PPDPFL: variants seen among roughly 807,000 people sequenced by gnomAD.
PPDPFL encodes pancreatic progenitor cell differentiation and proliferation factor like, also known as pancreatic progenitor cell differentiation and proliferation factor-like protein.
PPDPFL carries 12 observed loss-of-function variants against 12.6 expected under a neutral mutation model. The ratio of observed to expected loss-of-function variants is 0.95; its 90% CI spans 0.61 to 1.54. PPDPFL has a LOEUF of 1.54. PPDPFL is among the 40% of genes most tolerant of loss of function. The pLI is 0.00. For missense variants in PPDPFL, 114 were observed against 96.0 expected (o/e 1.19, Z -0.78); for synonymous variants, 24 against 32.7 (o/e 0.73, Z 0.91).
chr8:49,070,609 TA>T (rs1808363328), upstream of PPDPFL, among the ~76,000 whole-genome samples: 1 of 152,092 alleles, frequency 6.6e-6, no homozygotes, highest in African/African-American at 2.4e-5. Flanking sequence ...TTGGCTTTAG[TA>T]GACAAAGGTG....
intron 1 of PPDPFL, among the ~76,000 whole-genome samples, chr8:49,060,873 T>C (rs138349312): frequency 1.3e-5 from 2 of 152,138 alleles, no homozygotes; most frequent in African/African-American, 4.8e-5. Context: ...TTACTTATAA[T>C]TGGTAAATTG....
rs1040887813 is a variant in PPDPFL, at chr8:49,075,317, C to G, written c.*144C>G. 2.3e-5 allele frequency: 35 copies of G among 1,525,938 alleles called. No individual in the cohort carries two copies. In the African/African-American group the frequency reaches 3.8e-4, roughly 17 times the overall value. 94.5% of individuals were successfully genotyped at this position (1,525,938 alleles called of 1,614,324 possible). A position where few individuals can be genotyped will look rare whatever the true frequency, so the allele number is the denominator to read the frequency against. ...GAACAGCTCCCCTTCAGCGCCCCAG[C>G]TATTCCAGGACTCTTCTCCATTGTA... On this transcript the variant is annotated 3_prime_UTR_variant, in exon 5 of 5. Transcript: ENST00000522267.
intron 4 of PPDPFL, 61 bp downstream of exon 4, chr8:49,074,394 G>C: frequency 6.3e-7 from 1 of 1,578,372 alleles, no homozygotes; most frequent in Non-Finnish European, 8.7e-7. Flanking sequence ...TAATGCATAT[G>C]GTATGTGTTA....
Position 49,074,234 on chromosome 8 carries a change from G to T in PPDPFL, c.134G>T (p.Gly45Val), listed in dbSNP as rs1268846212. ...NFIDDDKPQQ[G>V]LPEVAESTWW... ...GAGTAACATGAATTTTATTTAATAG[G>T]GTTGCCTGAAGTGGCAGAATCCACC... The change falls in exon 4 of 5, where the codon GGG becomes GTG. Residue 45 changes from glycine to valine, a missense_variant and splice_region_variant. Gly to Val is a moderately radical substitution (Grantham distance 109). Coordinates refer to ENST00000522267, the MANE Select transcript of PPDPFL (RefSeq NM_001256597.2). 1 of 1,613,134 alleles carries T rather than the reference G, an allele frequency of 6.2e-7. No individual in the cohort carries two copies. Among genetic ancestry groups the T allele is most frequent in the Non-Finnish European group, 8.5e-7 (1 of 1,179,344 alleles).
At chr8:49,072,599 A>G (rs1753108587) in intron 1 of PPDPFL, 117 bp downstream of exon 1, 1 of 400,138 alleles carries the variant, frequency 2.5e-6, no homozygotes, top group African/African-American at 2.1e-5. Context: ...TTTCACCTAA[A>G]TGTACTACTT....
intron 1 of PPDPFL, among the ~76,000 whole-genome samples, chr8:49,061,414 C>G (rs1216964763): frequency 1.3e-5 from 2 of 152,134 alleles, no homozygotes; most frequent in African/African-American, 4.8e-5. Flanking sequence ...ACATAAATGT[C>G]TCTTGTTTAA....
chr8:49,059,602 T>A (rs1047641235), intron 1 of PPDPFL, among the ~76,000 whole-genome samples: 4 of 152,230 alleles, frequency 2.6e-5, no homozygotes, highest in Non-Finnish European at 2.9e-5. Flanking sequence ...ACTTACTCTG[T>A]AATTACCTAA....
At chr8:49,060,139 T>G (rs1563297712) in intron 1 of PPDPFL, among the ~76,000 whole-genome samples, 1 of 152,224 alleles carries the variant, frequency 6.6e-6, no homozygotes. Context: ...AAAGCTATTC[T>G]TTTTTGTATG....
chr8:49,074,760 T>C (rs1808461532), intron 4 of PPDPFL: 11 of 1,438,534 alleles, frequency 7.6e-6, no homozygotes, highest in East Asian at 7.5e-5. Context: ...ACAGGTTGAA[T>C]TGGGAGTTTG....
At chr8:49,073,152 A>G (rs1808423249) in intron 2 of PPDPFL, among the ~76,000 whole-genome samples, 1 of 152,238 alleles carries the variant, frequency 6.6e-6, no homozygotes, top group Non-Finnish European at 1.5e-5. Context: ...TTTTAATTTT[A>G]TGTACCTTGC....
upstream of PPDPFL, among the ~76,000 whole-genome samples, chr8:49,067,419 A>G (rs1466848254): frequency 1.3e-5 from 2 of 152,220 alleles, no homozygotes; most frequent in Non-Finnish European, 2.9e-5. Context: ...GACATCTTAC[A>G]TGGACAATCA....
At chr8:49,061,208 G>A (rs573348921) in intron 1 of PPDPFL, among the ~76,000 whole-genome samples, 130 of 152,242 alleles carry the variant, frequency 8.5e-4, no homozygotes, top group African/African-American at 3.0e-3. Context: ...TGAAGATAGG[G>A]TTTTAAAGAG....
rs992396895 is a variant in PPDPFL, at chr8:49,075,420, T to A, written c.*247T>A. 2 of 745,204 alleles carry A rather than the reference T, an allele frequency of 2.7e-6. No individual in the cohort carries two copies. The highest frequency in any genetic ancestry group is 2.6e-5 in the East Asian group (1 of 38,222). The allele number at this position is 745,204 out of a possible 1,614,324, so 46.2% of individuals were successfully genotyped here. ...CACTGATATAAAAAAAGTTTAGGCATTTTTCTCAACACAAAGACTATCGCT... is the reference window on the plus strand; with the variant it reads ...CACTGATATAAAAAAAGTTTAGGCAATTTTCTCAACACAAAGACTATCGCT... On this transcript the variant is annotated 3_prime_UTR_variant, in exon 5 of 5. Transcript: ENST00000522267.
At chr8:49,069,896 T>G (rs1808352263), upstream of PPDPFL, among the ~76,000 whole-genome samples, 1 of 152,198 alleles carries the variant, frequency 6.6e-6, no homozygotes, top group South Asian at 2.1e-4. Flanking sequence ...GATCGCCCAC[T>G]GCACTCCAGC....
At chr8:49,069,043 A>G (rs1282154029), upstream of PPDPFL, among the ~76,000 whole-genome samples, 1 of 152,228 alleles carries the variant, frequency 6.6e-6, no homozygotes, top group African/African-American at 2.4e-5. Flanking sequence ...ATGATTACTC[A>G]GATAAAAAGC....
chr8:49,074,969 C>T, intron 4 of PPDPFL, 183 bp from the exon 5 acceptor site: 1 of 1,368,596 alleles, frequency 7.3e-7, no homozygotes, highest in Non-Finnish European at 9.6e-7. Context: ...CTATCTAAGA[C>T]AAATTTAGAA....
rs190442035 is a variant in PPDPFL at position 49,066,875 on chromosome 8, C to T, written c.-44-5912C>T. The stretch of plus-strand genomic sequence containing the variant: ...GGGAAGTGGTTTGGGTGCACCTCCT[C>T]CCGTGTCCTGGCTCTGGCAATTCAT... On this transcript the variant is annotated intron_variant, in intron 1 of 4. Coordinates refer to the PPDPFL transcript ENST00000517663. Among the ~76,000 whole-genome samples the T allele has an allele frequency of 5.3e-5, 8 of 152,212 alleles. No homozygotes were observed. In the East Asian group the frequency reaches 1.6e-3, roughly 29 times the overall value.
At position 49,074,771 on chromosome 8, in the gene PPDPFL, T is replaced by A. The variant is rs1380304226; in HGVS notation, c.234-381T>A. On this transcript the variant is annotated intron_variant, in intron 4 of 4. Coordinates refer to ENST00000522267, the MANE Select transcript of PPDPFL (RefSeq NM_001256597.2). Reference sequence around the variant, plus strand: ...CTAGACAGGTTGAATTGGGAGTTTGTGTGCAGTTGTTTTCAGACATTTTGA... The same window carrying A: ...CTAGACAGGTTGAATTGGGAGTTTGAGTGCAGTTGTTTTCAGACATTTTGA... 15 of 1,435,408 alleles carry A rather than the reference T, an allele frequency of 1.0e-5. No homozygotes were observed. In the Admixed American group the frequency reaches 3.5e-4, roughly 34 times the overall value. 88.9% of individuals were successfully genotyped at this position (1,435,408 alleles called of 1,614,324 possible).
chr8:49,063,801 G>A (rs1366206245), intron 1 of PPDPFL, among the ~76,000 whole-genome samples: 1 of 152,178 alleles, frequency 6.6e-6, no homozygotes, highest in Admixed American at 6.5e-5. Context: ...GCTGGATCCA[G>A]TAGATAATGG....
Sources: gnomAD v4.1 joint callset for allele counts (sites outside exome capture counted in the v4.1 genomes callset) on GRCh38, gnomAD v4.1.1 for gene constraint, MANE v1.5 for transcripts, NCBI Gene and HGNC (gene_info 2026-07-23, HGNC 2026-07-21) for gene names.